Variants in ICA1L observed in about 807,000 individuals in gnomAD.
The protein encoded by ICA1L is islet cell autoantigen 1-like protein.
Under a neutral mutation model 61.3 loss-of-function variants are expected in ICA1L, and 50 were observed. The ratio of observed to expected loss-of-function variants is 0.82; its 90% confidence interval spans 0.65 to 1.03. The LOEUF (loss-of-function observed/expected upper bound fraction) is 1.03, where lower values mean the gene tolerates loss of function less well. Among genes scored for constraint, ICA1L ranks in the 50% least tolerant of loss-of-function variants. ICA1L has a pLI of 0.00. For missense variants in ICA1L, 508 were observed against 556.7 expected (o/e 0.91, Z 0.88); for synonymous variants, 161 against 191.3 (o/e 0.84, Z 1.31).
rs146815596 is a variant in ICA1L, at chr2:202,824,820, C to G, written c.235+875G>C. 3.5e-4 allele frequency among the ~76,000 whole-genome samples: 54 copies of G among 152,232 alleles called. No individual in the cohort carries two copies. The East Asian group carries it at 6.4e-3, about 18-fold the overall frequency. On this transcript the variant is annotated intron_variant, in intron 3 of 12. Transcript: ENST00000358299. ...GAACAAGTCCAGGAGAGAAGAGAAT[C>G]AGCAAAGGCAGGATGCCAAGAAAGA...
intron 8 of ICA1L, among the ~76,000 whole-genome samples, chr2:202,814,443 A>T (rs1188785560): frequency 6.6e-6 from 1 of 152,158 alleles, no homozygotes; most frequent in Non-Finnish European, 1.5e-5. Flanking sequence ...TAAAGCCCTC[A>T]CCAGAAACCA....
intron 1 of ICA1L, chr2:202,841,615 T>C: frequency 1.5e-6 from 1 of 650,584 alleles, no homozygotes; most frequent in Non-Finnish European, 2.9e-6. Context: ...CACCATAACT[T>C]CCACCCAGGA....
chr2:202,833,189 CA>C (rs576832938), intron 1 of ICA1L, among the ~76,000 whole-genome samples: 4 of 151,510 alleles, frequency 2.6e-5, no homozygotes, highest in Non-Finnish European at 5.9e-5. Context: ...TCAATAAAAA[CA>C]AAAAAAAGTC....
At chr2:202,798,190 T>TA (rs1249347807) in intron 9 of ICA1L, among the ~76,000 whole-genome samples, 2 of 152,208 alleles carry the variant, frequency 1.3e-5, no homozygotes, top group Non-Finnish European at 2.9e-5. Flanking sequence ...GATGAACACT[T>TA]ACAATGATTC....
intron 1 of ICA1L, among the ~76,000 whole-genome samples, chr2:202,835,126 C>T (rs1245487261): frequency 4.0e-5 from 6 of 150,708 alleles, no homozygotes; most frequent in Admixed American, 2.6e-4. Context: ...AATGTGTATA[C>T]ATTTTAAATC....
chr2:202,836,087 T>C (rs1194819805), intron 1 of ICA1L, among the ~76,000 whole-genome samples: 1 of 152,144 alleles, frequency 6.6e-6, no homozygotes, highest in Non-Finnish European at 1.5e-5. Flanking sequence ...GGCATACTTG[T>C]CTTGTTCTTG....
chr2:202,869,033 C>G (rs879434230), intron 1 of ICA1L, among the ~76,000 whole-genome samples: 5 of 151,454 alleles, frequency 3.3e-5, no homozygotes, highest in Non-Finnish European at 5.9e-5. Context: ...GTGGCTAAAA[C>G]TATCAATATC....
At chr2:202,808,032 C>A (rs187731398) in intron 9 of ICA1L, among the ~76,000 whole-genome samples, 3 of 152,102 alleles carry the variant, frequency 2.0e-5, no homozygotes, top group African/African-American at 7.2e-5. Context: ...TCAGGTGTGA[C>A]CCAGTGCATT....
At chr2:202,831,377 A>G (rs1026104972) in intron 1 of ICA1L, among the ~76,000 whole-genome samples, 1 of 152,196 alleles carries the variant, frequency 6.6e-6, no homozygotes, top group Admixed American at 6.5e-5. Context: ...TTTCCCATCC[A>G]GTTTCTTTCT....
chr2:202,837,167 A>C (rs1694176585), intron 1 of ICA1L, among the ~76,000 whole-genome samples: 1 of 150,924 alleles, frequency 6.6e-6, no homozygotes. Context: ...ATAGTAGTCT[A>C]TGATCCTTTG....
At chr2:202,868,986 AC>A (rs1311887503) in intron 1 of ICA1L, among the ~76,000 whole-genome samples, 1 of 151,900 alleles carries the variant, frequency 6.6e-6, no homozygotes, top group Non-Finnish European at 1.5e-5. Flanking sequence ...AACAACAACA[AC>A]AACAACAACA....
chr2:202,773,185 C>CT lies in ICA1L; in HGVS notation c.*6347dup, dbSNP rs1232195224. ...TGAGAAAGTGTCAACATCTTTATTG[C>CT]TAATATAAGCATTTAATGTCAAAGA... On this transcript the variant is annotated 3_prime_UTR_variant, in exon 13 of 13. Coordinates refer to ENST00000358299, the MANE Select transcript of ICA1L (RefSeq NM_001288622.3). The CT allele has an allele frequency of 3.9e-5, 6 of 151,940 alleles. No individual in the cohort carries two copies. In the South Asian group the frequency reaches 1.0e-3, roughly 26 times the overall value. 9.4% of individuals were successfully genotyped at this position (151,940 alleles called of 1,614,324 possible).
intron 12 of ICA1L, among the ~76,000 whole-genome samples, chr2:202,782,708 G>A (rs980022065): frequency 1.3e-5 from 2 of 151,854 alleles, no homozygotes; most frequent in African/African-American, 2.4e-5. Context: ...CACCCAGACT[G>A]TTAAATTCTT....
chr2:202,831,064 A>C (rs974157248), intron 1 of ICA1L, among the ~76,000 whole-genome samples: 1 of 152,238 alleles, frequency 6.6e-6, no homozygotes, highest in Non-Finnish European at 1.5e-5. Flanking sequence ...TTAATATCAG[A>C]CAAAGTAGAT....
At chr2:202,784,945 C>G (rs1430218886) in intron 12 of ICA1L, among the ~76,000 whole-genome samples, 1 of 152,058 alleles carries the variant, frequency 6.6e-6, no homozygotes, top group African/African-American at 2.4e-5. Flanking sequence ...ATGGGCTGGG[C>G]ATGGTGGCTC....
chr2:202,853,083 G>T (rs1034854480), intron 1 of ICA1L, among the ~76,000 whole-genome samples: 20 of 152,162 alleles, frequency 1.3e-4, no homozygotes, highest in South Asian at 2.1e-4. Flanking sequence ...ATGTGGCTGG[G>T]CGCGGTGGCT....
chr2:202,829,040 AAC>A, intron 1 of ICA1L, 24 bp from the exon 2 acceptor site: 1 of 1,510,902 alleles, frequency 6.6e-7, no homozygotes, highest in Non-Finnish European at 8.8e-7. Context: ...ACTAAAATTA[AAC>A]TTCTTTTAAA....
rs1692267726 is a variant in ICA1L at position 202,777,712 on chromosome 2, T to C, written c.*1821A>G. On this transcript the variant is annotated 3_prime_UTR_variant, in exon 13 of 13. Transcript: ENST00000358299. ...CTGGAGAGCCTGTGGGCAGTTACTA[T>C]TGTAGATGGCTATGGATGGGACATG... 1 of 152,274 alleles carries C rather than the reference T, an allele frequency of 6.6e-6. No homozygotes were observed. 9.4% of individuals were successfully genotyped at this position (152,274 alleles called of 1,614,324 possible).
At chr2:202,796,575 T>C (rs1692932089) in intron 10 of ICA1L, among the ~76,000 whole-genome samples, 1 of 152,210 alleles carries the variant, frequency 6.6e-6, no homozygotes. Flanking sequence ...CTAATGACAC[T>C]AGATATACAA....
Sources: gnomAD v4.1 joint callset for allele counts (sites outside exome capture counted in the v4.1 genomes callset) on GRCh38, gnomAD v4.1.1 for gene constraint, MANE v1.5 for transcripts, NCBI Gene and HGNC (gene_info 2026-07-23, HGNC 2026-07-21) for gene names.